The following TCF12 variants were observed in gnomAD, a reference collection of about 807,000 sequenced individuals.
TCF12 encodes the protein transcription factor 12.
In TCF12, 45 loss-of-function variants were observed where a neutral mutation model predicts 86.0. The ratio of observed to expected loss-of-function variants is 0.52; its 90% CI spans 0.41 to 0.67. The LOEUF is 0.67. Among genes scored for constraint, TCF12 ranks in the 30% least tolerant of loss-of-function variants. The pLI, the probability that TCF12 is intolerant of heterozygous loss-of-function variation, is 0.00. For synonymous variants in TCF12, 330 were observed against 299.6 expected (o/e 1.10, Z -1.05); for missense variants, 881 against 859.9 (o/e 1.02, Z -0.31).
intron 5 of TCF12, among the ~76,000 whole-genome samples, chr15:57,159,161 A>G (rs1305735346): frequency 6.6e-6 from 1 of 152,196 alleles, no homozygotes; most frequent in East Asian, 1.9e-4. Flanking sequence ...GGTACATGTT[A>G]TTTGGTTGAT....
rs1215288454 is a variant in TCF12, at chr15:56,921,966, TA to T, written c.148+870del. Among the ~76,000 whole-genome samples, 11 of 152,124 alleles carry T rather than the reference TA, an allele frequency of 7.2e-5. No individual in the cohort carries two copies. In the East Asian group the frequency reaches 2.1e-3, roughly 29 times the overall value. On this transcript the variant is annotated intron_variant, in intron 3 of 20. Coordinates refer to ENST00000333725, the MANE Select transcript of TCF12 (RefSeq NM_207037.2). The stretch of plus-strand genomic sequence containing the variant: ...TTATGGGGAAAGTATAGCATGTCCT[TA>T]ATCATCTTAAGTAAGTGAAATGAAG...
At chr15:57,225,910 G>A (rs1409082843) in intron 8 of TCF12, among the ~76,000 whole-genome samples, 1 of 151,264 alleles carries the variant, frequency 6.6e-6, no homozygotes, top group East Asian at 1.9e-4. Flanking sequence ...TGCACAATGT[G>A]CAGGTTAGTT....
rs552966232 is a variant in TCF12 at position 57,271,814 on chromosome 15, A to T, written c.1746-1216A>T. On this transcript the variant is annotated intron_variant, in intron 18 of 20. Coordinates refer to ENST00000333725, the MANE Select transcript of TCF12 (RefSeq NM_207037.2). ...GGCTTAATACACATGTAATAATAAA[A>T]TTCACTAATTTTAAATATACAGTCT... Among the ~76,000 whole-genome samples, 6 of 152,330 alleles carry T rather than the reference A, an allele frequency of 3.9e-5. No homozygotes were observed. In the East Asian group the frequency reaches 1.2e-3, roughly 29 times the overall value.
chr15:57,053,329 G>A (rs1463165677), intron 3 of TCF12, among the ~76,000 whole-genome samples: 1 of 152,116 alleles, frequency 6.6e-6, no homozygotes, highest in African/African-American at 2.4e-5. Context: ...GGGTTTTTCT[G>A]CTGTTGAATT....
At chr15:57,278,000 C>A (rs1048675589) in intron 19 of TCF12, among the ~76,000 whole-genome samples, 3 of 151,746 alleles carry the variant, frequency 2.0e-5, no homozygotes, top group African/African-American at 7.3e-5. Context: ...CTTCCATATA[C>A]ATCCTTTTAA....
chr15:57,221,377 G>GTA (rs1174528793), intron 8 of TCF12, among the ~76,000 whole-genome samples: 1 of 90,792 alleles, frequency 1.1e-5, no homozygotes, highest in African/African-American at 3.9e-5. Flanking sequence ...GTGGGTATGT[G>GTA]TGTGGGGTGT....
At chr15:57,156,494 G>A (rs1400869621) in intron 5 of TCF12, among the ~76,000 whole-genome samples, 1 of 152,218 alleles carries the variant, frequency 6.6e-6, no homozygotes, top group Non-Finnish European at 1.5e-5. Context: ...ATGAATGGTA[G>A]CAGTTCCATT....
intron 8 of TCF12, among the ~76,000 whole-genome samples, chr15:57,224,916 C>G (rs1006463709): frequency 6.6e-6 from 1 of 152,024 alleles, no homozygotes; most frequent in Non-Finnish European, 1.5e-5. Flanking sequence ...TTTTCCCCCT[C>G]AGGCTTGAAA....
intron 6 of TCF12, among the ~76,000 whole-genome samples, chr15:57,168,733 TACA>T (rs1360641779): frequency 2.6e-5 from 4 of 152,108 alleles, no homozygotes. Context: ...CTCTTCAGAG[TACA>T]ACAAAATTTG....
At chr15:57,027,335 T>G (rs1186790299) in intron 3 of TCF12, among the ~76,000 whole-genome samples, 1 of 152,200 alleles carries the variant, frequency 6.6e-6, no homozygotes, top group East Asian at 1.9e-4. Flanking sequence ...CAGGATAAAC[T>G]CTTGTATCTG....
intron 9 of TCF12, among the ~76,000 whole-genome samples, chr15:57,231,696 A>G (rs1453617809): frequency 6.6e-6 from 1 of 152,210 alleles, no homozygotes; most frequent in Non-Finnish European, 1.5e-5. Flanking sequence ...ATTCATGTCT[A>G]GCAAATCATT....
At chr15:57,202,485 G>A (rs2703597) in intron 8 of TCF12, among the ~76,000 whole-genome samples, 3,497 of 137,614 alleles carry the variant, frequency 0.025, 140 homozygotes, top group African/African-American at 0.09. Flanking sequence ...TCCCAGGCTA[G>A]CGTGCAGTGG....
At chr15:56,950,820 G>C (rs1292754194) in intron 3 of TCF12, among the ~76,000 whole-genome samples, 3 of 129,982 alleles carry the variant, frequency 2.3e-5, no homozygotes, top group Non-Finnish European at 4.7e-5. Context: ...GCAATGGCGT[G>C]ATCTCGGCTT....
At chr15:57,126,587 T>C (rs1298360782) in intron 5 of TCF12, among the ~76,000 whole-genome samples, 1 of 152,208 alleles carries the variant, frequency 6.6e-6, no homozygotes, top group Non-Finnish European at 1.5e-5. Flanking sequence ...TTAAATATGT[T>C]TCTCTGATAA....
At chr15:56,959,562 A>T (rs2543677) in intron 3 of TCF12, among the ~76,000 whole-genome samples, 3,791 of 152,332 alleles carry the variant, frequency 0.025, 158 homozygotes, top group African/African-American at 0.086. Context: ...AAGCTGAAGC[A>T]ATAATTCAGT....
At chr15:57,110,394 A>T (rs2050406735) in intron 5 of TCF12, among the ~76,000 whole-genome samples, 2 of 152,194 alleles carry the variant, frequency 1.3e-5, no homozygotes, top group Non-Finnish European at 2.9e-5. Flanking sequence ...TGTGACACTG[A>T]ATCTTTTTGG....
intron 3 of TCF12, among the ~76,000 whole-genome samples, chr15:57,036,295 A>G (rs551692120): frequency 6.6e-6 from 1 of 152,274 alleles, no homozygotes; most frequent in South Asian, 2.1e-4. Flanking sequence ...TAGGAATGGA[A>G]TAAAAGAGTT....
chr15:57,187,513 A>G (rs747508120), intron 6 of TCF12, among the ~76,000 whole-genome samples: 16 of 152,180 alleles, frequency 1.1e-4, no homozygotes, highest in Non-Finnish European at 2.4e-4. Flanking sequence ...ATGAGCAAAA[A>G]AATAATAATA....
At chr15:57,072,924 T>TCAAGA (rs2069536793) in intron 4 of TCF12, among the ~76,000 whole-genome samples, 2 of 152,230 alleles carry the variant, frequency 1.3e-5, no homozygotes, top group African/African-American at 2.4e-5. Flanking sequence ...ATAACCTAAA[T>TCAAGA]GTTTTTGGAT....
Sources: gnomAD v4.1 joint callset for allele counts (sites outside exome capture counted in the v4.1 genomes callset) on GRCh38, gnomAD v4.1.1 for gene constraint, MANE v1.5 for transcripts, NCBI Gene and HGNC (gene_info 2026-07-23, HGNC 2026-07-21) for gene names.